ZNF407: variants seen among roughly 807,000 people sequenced by gnomAD.
ZNF407 encodes zinc finger protein 407.
Under a neutral mutation model 131.2 loss-of-function variants are expected in ZNF407, and 17 were observed. The ratio of observed to expected loss-of-function variants is 0.13; its 90% CI spans 0.09 to 0.19. ZNF407 has a LOEUF of 0.19. Among genes scored for constraint, ZNF407 ranks in the 10% least tolerant of loss-of-function variants. The probability of loss-of-function intolerance (pLI) is 1.00; values close to 1 mark genes in which losing one functional copy is unlikely to be tolerated. For synonymous variants in ZNF407, 1,156 were observed against 1,062.0 expected (o/e 1.09, Z -1.72); for missense variants, 2,681 against 2,830.6 (o/e 0.95, Z 1.20).
At chr18:74,993,046 T>C (rs566142147) in intron 8 of ZNF407, among the ~76,000 whole-genome samples, 5 of 152,286 alleles carry the variant, frequency 3.3e-5, no homozygotes, top group African/African-American at 1.2e-4. Context: ...GTAAAAATGG[T>C]ACAGCCAATT....
chr18:74,846,238 A>G (rs537140282), intron 4 of ZNF407, among the ~76,000 whole-genome samples: 1 of 152,356 alleles, frequency 6.6e-6, no homozygotes, highest in African/African-American at 2.4e-5. Context: ...TATATAAAAT[A>G]CATCCTAACA....
At chr18:74,999,642 AT>A (rs1972822392) in intron 8 of ZNF407, among the ~76,000 whole-genome samples, 1 of 152,218 alleles carries the variant, frequency 6.6e-6, no homozygotes, top group Non-Finnish European at 1.5e-5. Flanking sequence ...TCTCATAAAG[AT>A]TGCTGATAGT....
intron 8 of ZNF407, among the ~76,000 whole-genome samples, chr18:74,976,353 A>G (rs1972528446): frequency 6.6e-6 from 1 of 152,088 alleles, no homozygotes; most frequent in East Asian, 1.9e-4. Flanking sequence ...TTATGCTGTT[A>G]TTTACAGCAG....
At chr18:74,766,045 GTGTGTGTGTGTCTGTGTC>G (rs1969224272) in intron 3 of ZNF407, among the ~76,000 whole-genome samples, 1 of 144,736 alleles carries the variant, frequency 6.9e-6, no homozygotes, top group African/African-American at 2.6e-5. Context: ...GTGTGTGTGT[GTGTGTGTGTGTCTGTGTC>G]TGTGTGTCTG....
intron 4 of ZNF407, among the ~76,000 whole-genome samples, chr18:74,797,658 A>G (rs888863203): frequency 1.3e-5 from 2 of 152,216 alleles, no homozygotes; most frequent in African/African-American, 4.8e-5. Context: ...ATTAATTGAC[A>G]GTAATTTTGA....
At chr18:74,719,219 A>G (rs1463051577) in intron 3 of ZNF407, among the ~76,000 whole-genome samples, 1 of 152,292 alleles carries the variant, frequency 6.6e-6, no homozygotes, top group African/African-American at 2.4e-5. Flanking sequence ...TTGAAAGTGT[A>G]TAATACATTA....
chr18:74,718,045 C>T (rs80279730), intron 3 of ZNF407, among the ~76,000 whole-genome samples: 3,425 of 152,000 alleles, frequency 0.023, 65 homozygotes, highest in Admixed American at 0.066. Context: ...TTTTTTAACT[C>T]GGTGAATTTA....
intron 8 of ZNF407, among the ~76,000 whole-genome samples, chr18:75,004,669 G>T (rs1386674752): frequency 1.3e-5 from 2 of 152,190 alleles, no homozygotes; most frequent in East Asian, 1.9e-4. Flanking sequence ...ATTTTCCAGG[G>T]TTTATCACAC....
chr18:74,619,976 G>A (rs916861655), intron 1 of ZNF407, among the ~76,000 whole-genome samples: 2 of 150,538 alleles, frequency 1.3e-5, no homozygotes, highest in Non-Finnish European at 2.9e-5. Context: ...TGCTTAACTC[G>A]TAGAATTGCC....
At chr18:75,024,187 G>A (rs1208655755) in intron 8 of ZNF407, among the ~76,000 whole-genome samples, 7 of 152,166 alleles carry the variant, frequency 4.6e-5, no homozygotes, top group Non-Finnish European at 8.8e-5. Flanking sequence ...TCCTATTTGG[G>A]TTTCTGAAAA....
At chr18:74,743,989 T>G (rs1036758168) in intron 3 of ZNF407, among the ~76,000 whole-genome samples, 5 of 152,158 alleles carry the variant, frequency 3.3e-5, no homozygotes, top group African/African-American at 1.2e-4. Context: ...ATTATTATAA[T>G]GTACTACATA....
At chr18:74,814,953 CAG>C (rs1194717570) in intron 4 of ZNF407, among the ~76,000 whole-genome samples, 1 of 150,440 alleles carries the variant, frequency 6.6e-6, no homozygotes, top group Non-Finnish European at 1.5e-5. Flanking sequence ...CTTTATTAAT[CAG>C]ACTTTTATTT....
chr18:74,892,319 C>T (rs1224916152), intron 7 of ZNF407, among the ~76,000 whole-genome samples: 5 of 152,142 alleles, frequency 3.3e-5, no homozygotes, highest in Admixed American at 6.5e-5. Context: ...TGTGGGACCG[C>T]GGTCAAACTA....
At chr18:74,728,226 A>C (rs1968206207) in intron 3 of ZNF407, among the ~76,000 whole-genome samples, 1 of 152,228 alleles carries the variant, frequency 6.6e-6, no homozygotes, top group South Asian at 2.1e-4. Flanking sequence ...TTTGACAATG[A>C]ATTTGATATA....
At chr18:74,868,467 C>T (rs990103024) in intron 4 of ZNF407, among the ~76,000 whole-genome samples, 1 of 152,120 alleles carries the variant, frequency 6.6e-6, no homozygotes, top group South Asian at 2.1e-4. Flanking sequence ...AGAAAAAGAA[C>T]GAAAAACAAA....
At chr18:74,990,964 G>A (rs528603277) in intron 8 of ZNF407, among the ~76,000 whole-genome samples, 6 of 152,120 alleles carry the variant, frequency 3.9e-5, no homozygotes, top group African/African-American at 1.2e-4. Flanking sequence ...AGGTGAAGGG[G>A]GTGCTGAGCT....
At chr18:74,658,821 A>C (rs1231199027) in intron 3 of ZNF407, among the ~76,000 whole-genome samples, 1 of 152,184 alleles carries the variant, frequency 6.6e-6, no homozygotes, top group East Asian at 1.9e-4. Flanking sequence ...ACATTTATTC[A>C]ACTATGATAG....
intron 7 of ZNF407, among the ~76,000 whole-genome samples, chr18:74,906,573 C>T (rs1362401440): frequency 6.6e-6 from 1 of 152,156 alleles, no homozygotes; most frequent in Non-Finnish European, 1.5e-5. Flanking sequence ...CTGAGCAAAA[C>T]AAAAGTTTCC....
intron 3 of ZNF407, among the ~76,000 whole-genome samples, chr18:74,682,862 T>A (rs1464661358): frequency 6.6e-6 from 1 of 152,208 alleles, no homozygotes; most frequent in Non-Finnish European, 1.5e-5. Flanking sequence ...ATCAGGGCGA[T>A]TGCGCTTTGT....
Sources: allele counts gnomAD v4.1 joint callset (sites outside exome capture counted in the v4.1 genomes callset), GRCh38; gene constraint gnomAD v4.1.1; transcripts MANE v1.5; gene names NCBI Gene and HGNC (gene_info 2026-07-23, HGNC 2026-07-21).